Variants in FSTL4 observed in about 807,000 individuals in gnomAD.
FSTL4 encodes follistatin like 4.
In FSTL4, 28 loss-of-function variants were observed where a neutral mutation model predicts 78.2. That is an observed-to-expected ratio of 0.36 (90% CI 0.27 to 0.49). The LOEUF is 0.49. FSTL4 is among the 20% of genes least tolerant of loss of function. FSTL4 has a pLI of 0.98. For missense variants in FSTL4, 922 were observed against 1,084.9 expected, an observed-to-expected ratio of 0.85 and a Z score of 2.11; for synonymous variants, 422 against 440.5, an observed-to-expected ratio of 0.96 and a Z score of 0.53.
At chr5:133,312,629 C>A (rs751871479) in intron 6 of FSTL4, 25 bp downstream of exon 6, 25 of 1,612,430 alleles carry the variant, frequency 1.6e-5, no homozygotes, top group Non-Finnish European at 2.0e-5. Flanking sequence ...GAAATAAGCC[C>A]TTTTCCCACT....
chr5:133,533,951 C>T (rs1484389832), intron 3 of FSTL4, among the ~76,000 whole-genome samples: 1 of 152,138 alleles, frequency 6.6e-6, no homozygotes, highest in East Asian at 1.9e-4. Flanking sequence ...ACATCTCCTC[C>T]TGAAACCTCA....
chr5:133,343,293 A>G lies in FSTL4; in HGVS notation c.410-26641T>C, dbSNP rs114042101. On this transcript the variant is annotated intron_variant, in intron 4 of 15. Transcript: ENST00000265342. ...TGATGTGAAATGTCTCCTTAGGGCC[A>G]CTAGCGGTGCCAACAGAAAGCAGAC... Among the ~76,000 whole-genome samples the G allele has an allele frequency of 9.2e-3, 1,394 of 152,326 alleles. 26 individuals carry two copies. Among genetic ancestry groups the G allele is most frequent in the African/African-American group, 0.032 (1,335 of 41,562 alleles).
At chr5:133,278,059 A>C (rs1300715861) in intron 6 of FSTL4, among the ~76,000 whole-genome samples, 1 of 152,170 alleles carries the variant, frequency 6.6e-6, no homozygotes, top group Non-Finnish European at 1.5e-5. Flanking sequence ...AACTAACCCC[A>C]GGAACCTTAA....
intron 6 of FSTL4, among the ~76,000 whole-genome samples, chr5:133,292,995 G>A (rs1753303091): frequency 6.6e-6 from 1 of 152,208 alleles, no homozygotes; most frequent in Non-Finnish European, 1.5e-5. Flanking sequence ...TCCTTCGTCA[G>A]GTGGAGGCCT....
chr5:133,774,871 A>C, the FSTL4 span, among the ~76,000 whole-genome samples: 3 of 152,224 alleles, frequency 2.0e-5, no homozygotes, highest in African/African-American at 7.2e-5. Context: ...CAAGACATGC[A>C]TGCCAGAAAA....
intron 6 of FSTL4, chr5:133,275,784 G>C (rs1752869790): frequency 6.6e-6 from 1 of 152,232 alleles, no homozygotes; most frequent in Non-Finnish European, 1.5e-5. Flanking sequence ...CTGTGGGAAT[G>C]AAGGTTTCGA....
At chr5:133,650,273 T>A in the FSTL4 span, among the ~76,000 whole-genome samples, 1 of 152,154 alleles carries the variant, frequency 6.6e-6, no homozygotes, top group Non-Finnish European at 1.5e-5. Flanking sequence ...ACATGAAGTT[T>A]GAGGGGACAA....
chr5:133,699,311 C>G, the FSTL4 span, among the ~76,000 whole-genome samples: 12,088 of 152,048 alleles, frequency 0.08, 537 homozygotes, highest in Middle Eastern at 0.16. Flanking sequence ...ACAAAACTAG[C>G]CAGAATCAGC....
chr5:133,507,303 C>T (rs1758629086), intron 3 of FSTL4, among the ~76,000 whole-genome samples: 2 of 152,108 alleles, frequency 1.3e-5, no homozygotes, highest in African/African-American at 4.8e-5. Flanking sequence ...ATGCAGCATG[C>T]TGTACCAGCT....
At chr5:133,452,428 T>C (rs1382142546) in intron 3 of FSTL4, among the ~76,000 whole-genome samples, 1 of 152,200 alleles carries the variant, frequency 6.6e-6, no homozygotes, top group East Asian at 1.9e-4. Flanking sequence ...CCAGAGAAAT[T>C]TTCCTGAGCT....
At chr5:133,727,523 C>T in the FSTL4 span, among the ~76,000 whole-genome samples, 1 of 152,158 alleles carries the variant, frequency 6.6e-6, no homozygotes, top group East Asian at 1.9e-4. Flanking sequence ...TGTAAAGGGA[C>T]AATTGATCAA....
the FSTL4 span, among the ~76,000 whole-genome samples, chr5:133,749,325 G>C: frequency 6.6e-6 from 1 of 152,172 alleles, no homozygotes; most frequent in Non-Finnish European, 1.5e-5. Context: ...GAGTGACCAG[G>C]CTTCACTCTG....
the FSTL4 span, among the ~76,000 whole-genome samples, chr5:133,675,083 C>T: frequency 6.6e-6 from 1 of 151,888 alleles, no homozygotes; most frequent in Non-Finnish European, 1.5e-5. Context: ...AAAACTGTGA[C>T]CTGATGGTGT....
At chr5:133,781,638 C>G in the FSTL4 span, among the ~76,000 whole-genome samples, 1 of 152,190 alleles carries the variant, frequency 6.6e-6, no homozygotes. Flanking sequence ...GGGGAACCCT[C>G]CGAACTGGTG....
At chr5:133,648,823 A>T in the FSTL4 span, among the ~76,000 whole-genome samples, 1 of 152,102 alleles carries the variant, frequency 6.6e-6, no homozygotes, top group East Asian at 1.9e-4. Flanking sequence ...AGCATCCCCC[A>T]CAAGAGTGGG....
intron 4 of FSTL4, among the ~76,000 whole-genome samples, chr5:133,351,401 T>A (rs1004917585): frequency 6.6e-6 from 1 of 152,198 alleles, no homozygotes; most frequent in African/African-American, 2.4e-5. Flanking sequence ...CCAGCCATTA[T>A]CTCTTCAAAC....
intron 3 of FSTL4, among the ~76,000 whole-genome samples, chr5:133,412,645 G>A (rs1038003834): frequency 3.9e-5 from 6 of 152,090 alleles, no homozygotes; most frequent in South Asian, 2.1e-4. Flanking sequence ...GAAAAAGAAC[G>A]GTGTCTTTCA....
rs189851995 is a variant in FSTL4, at chr5:133,259,862, A to G, written c.728-10286T>C. On this transcript the variant is annotated intron_variant, in intron 6 of 15. Coordinates refer to ENST00000265342, the MANE Select transcript of FSTL4 (RefSeq NM_015082.2). ...CGTGTTCCTGACTTGATCCTCTTGC[A>G]TAATACGGTGTGATTTCCTGTGGTG... Among the ~76,000 whole-genome samples the G allele has an allele frequency of 7.8e-4, 118 of 152,246 alleles. 2 individuals are homozygous for G. The highest frequency in any genetic ancestry group is 2.6e-3 in the African/African-American group (109 of 41,540).
intron 3 of FSTL4, among the ~76,000 whole-genome samples, chr5:133,510,890 T>G (rs1245296602): frequency 1.3e-5 from 2 of 151,842 alleles, no homozygotes; most frequent in Non-Finnish European, 2.9e-5. Context: ...AACCCATCTG[T>G]GAGATGGGGA....
Sources: gnomAD v4.1 joint callset for allele counts (sites outside exome capture counted in the v4.1 genomes callset) on GRCh38, gnomAD v4.1.1 for gene constraint, MANE v1.5 for transcripts, NCBI Gene and HGNC (gene_info 2026-07-23, HGNC 2026-07-21) for gene names.